Variants in KCNH1 observed in about 807,000 individuals in gnomAD.
The protein encoded by KCNH1 is potassium voltage-gated channel subfamily H member 1, also known as voltage-gated delayed rectifier potassium channel KCNH1.
In KCNH1, 27 loss-of-function variants were observed where a neutral mutation model predicts 69.2. That is an observed-to-expected ratio of 0.39 (90% CI 0.29 to 0.54). The LOEUF (loss-of-function observed/expected upper bound fraction) is 0.54, where lower values mean the gene tolerates loss of function less well. KCNH1 is among the 20% of genes least tolerant of loss of function. The probability of loss-of-function intolerance (pLI) is 0.68; values close to 1 mark genes in which losing one functional copy is unlikely to be tolerated. For synonymous variants in KCNH1, 456 were observed against 487.7 expected, an observed-to-expected ratio of 0.93 and a Z score of 0.86; for missense variants, 798 against 1,261.6, an observed-to-expected ratio of 0.63 and a Z score of 5.57.
chr1:211,064,743 TAAG>T (rs1445099155), intron 5 of KCNH1, among the ~76,000 whole-genome samples: 1 of 151,964 alleles, frequency 6.6e-6, no homozygotes, highest in East Asian at 1.9e-4. Context: ...ATAAATCTGA[TAAG>T]GAGTTAATAT....
At chr1:210,798,349 C>T (rs1684365250) in intron 8 of KCNH1, among the ~76,000 whole-genome samples, 1 of 152,048 alleles carries the variant, frequency 6.6e-6, no homozygotes. Context: ...AGGAAGGTGA[C>T]GTTTAAGCTG....
At chr1:210,991,550 C>A (rs1688935955) in intron 6 of KCNH1, among the ~76,000 whole-genome samples, 1 of 151,096 alleles carries the variant, frequency 6.6e-6, no homozygotes, top group Non-Finnish European at 1.5e-5. Context: ...AACATGGTGA[C>A]CATAGTTAAT....
chr1:210,841,958 C>A (rs1259359255), intron 7 of KCNH1, among the ~76,000 whole-genome samples: 1 of 152,236 alleles, frequency 6.6e-6, no homozygotes, highest in Admixed American at 6.6e-5. Flanking sequence ...TTCTGACAAG[C>A]AGGTTTTTAA....
intron 9 of KCNH1, among the ~76,000 whole-genome samples, chr1:210,781,968 C>G (rs1250954174): frequency 6.6e-6 from 1 of 152,188 alleles, no homozygotes; most frequent in Admixed American, 6.5e-5. Flanking sequence ...CGGCTCCTGT[C>G]TCACATCAGG....
intron 6 of KCNH1, among the ~76,000 whole-genome samples, chr1:210,974,342 AT>A (rs1688563268): frequency 6.6e-6 from 1 of 152,112 alleles, no homozygotes; most frequent in Non-Finnish European, 1.5e-5. Context: ...ATTATTTGAT[AT>A]TAAAACAGCC....
At chr1:210,721,024 A>G (rs1682441871) in intron 10 of KCNH1, among the ~76,000 whole-genome samples, 2 of 152,112 alleles carry the variant, frequency 1.3e-5, no homozygotes, top group Non-Finnish European at 2.9e-5. Flanking sequence ...GAACCCTACA[A>G]TACCCAAGTA....
At chr1:211,115,117 T>C (rs1052946167) in intron 1 of KCNH1, among the ~76,000 whole-genome samples, 3 of 152,014 alleles carry the variant, frequency 2.0e-5, no homozygotes, top group Non-Finnish European at 2.9e-5. Context: ...GCCTCCTGAG[T>C]AGCTAGGACT....
chr1:211,010,416 C>T (rs1004153131), intron 6 of KCNH1, among the ~76,000 whole-genome samples: 9 of 152,114 alleles, frequency 5.9e-5, no homozygotes, highest in South Asian at 2.1e-4. Flanking sequence ...CTTCTTTGTG[C>T]CCACATGATA....
At chr1:211,017,816 T>C (rs1030988931) in intron 6 of KCNH1, among the ~76,000 whole-genome samples, 6 of 152,152 alleles carry the variant, frequency 3.9e-5, no homozygotes, top group African/African-American at 1.4e-4. Flanking sequence ...GGACTAACAA[T>C]TGAAAAGAGT....
At chr1:210,878,715 C>T (rs1056209750) in intron 7 of KCNH1, among the ~76,000 whole-genome samples, 2 of 151,770 alleles carry the variant, frequency 1.3e-5, no homozygotes. Flanking sequence ...TAAGCTTCCA[C>T]CTTAGGAAAG....
In KCNH1 at chr1:210,683,216, G is replaced by A; in HGVS notation, c.*65C>T. The stretch of plus-strand genomic sequence containing the variant: ...ATTGTTGGTCATGTGGACATATGTG[G>A]TAGGGGTGGTGGTGACGGCAGGGTT... On this transcript the variant is annotated 3_prime_UTR_variant, in exon 11 of 11. Transcript: ENST00000271751. The surrounding 1 kb of genome is among the most constrained non-coding windows in gnomAD (Gnocchi z 5.7). 1 of 1,475,288 alleles carries A rather than the reference G, an allele frequency of 6.8e-7. No individual in the cohort carries two copies. Among genetic ancestry groups the A allele is most frequent in the Non-Finnish European group, 9.2e-7 (1 of 1,086,120 alleles). The allele number at this position is 1,475,288 out of a possible 1,614,324, so 91.4% of individuals were successfully genotyped here.
Position 210,890,698 on chromosome 1 carries a change from G to GA in KCNH1, c.1462+28941dup, listed in dbSNP as rs567760696. ...ACAAGGAACTTAAACAAATTGACAAGAAAAAAAAAACCCCATCAAAAAGTG... is the reference window on the plus strand; with the variant it reads ...ACAAGGAACTTAAACAAATTGACAAGAAAAAAAAAAACCCCATCAAAAAGTG... On this transcript the variant is annotated intron_variant, in intron 7 of 10. Transcript: ENST00000271751. 8.6e-3 allele frequency among the ~76,000 whole-genome samples: 1,254 copies of GA among 145,244 alleles called. 15 individuals are homozygous for GA. Among genetic ancestry groups the GA allele is most frequent in the African/African-American group, 0.029 (1,136 of 39,720 alleles).
chr1:211,013,644 C>G (rs1229650286), intron 6 of KCNH1, among the ~76,000 whole-genome samples: 1 of 152,226 alleles, frequency 6.6e-6, no homozygotes, highest in Non-Finnish European at 1.5e-5. Flanking sequence ...CAGCTGCCAT[C>G]AGGCAAAAGG....
intron 7 of KCNH1, among the ~76,000 whole-genome samples, chr1:210,813,014 T>A (rs1416979572): frequency 6.6e-6 from 1 of 152,168 alleles, no homozygotes; most frequent in Non-Finnish European, 1.5e-5. Context: ...AAAAGAGAAA[T>A]GTCTGCTTGC....
intron 1 of KCNH1, among the ~76,000 whole-genome samples, chr1:211,115,700 C>CATATATAT (rs1558611335): frequency 1.9e-5 from 1 of 53,932 alleles, no homozygotes; most frequent in Non-Finnish European, 4.0e-5. Context: ...AATAAACTCC[C>CATATATAT]CTATATATAT....
chr1:211,013,261 T>G (rs1203344631), intron 6 of KCNH1, among the ~76,000 whole-genome samples: 1 of 152,214 alleles, frequency 6.6e-6, no homozygotes, highest in Non-Finnish European at 1.5e-5. Flanking sequence ...CAGGGAATAG[T>G]GAGCCTAGAA....
intron 6 of KCNH1, among the ~76,000 whole-genome samples, chr1:211,016,108 G>A (rs1689485620): frequency 1.3e-5 from 2 of 152,102 alleles, no homozygotes; most frequent in Non-Finnish European, 2.9e-5. Flanking sequence ...ACCATCAGGA[G>A]TATTTATAAA....
intron 10 of KCNH1, among the ~76,000 whole-genome samples, chr1:210,762,917 CA>C (rs998111201): frequency 4.0e-5 from 6 of 151,676 alleles, no homozygotes; most frequent in African/African-American, 1.5e-4. Flanking sequence ...AAAGACACAA[CA>C]AAAAAAGAAA....
chr1:210,738,003 A>G (rs1203923279), intron 10 of KCNH1, among the ~76,000 whole-genome samples: 1 of 152,222 alleles, frequency 6.6e-6, no homozygotes, highest in African/African-American at 2.4e-5. Flanking sequence ...AATAAGAGCC[A>G]AAGTCCATGC....
Sources: gnomAD v4.1 joint callset for allele counts (sites outside exome capture counted in the v4.1 genomes callset) on GRCh38, gnomAD v4.1.1 for gene constraint, Gnocchi (gnomAD v3.1) non-coding constraint, MANE v1.5 for transcripts, NCBI Gene and HGNC (gene_info 2026-07-23, HGNC 2026-07-21) for gene names.